Variants in ZNF287 observed in about 807,000 individuals in gnomAD.
ZNF287 encodes the protein zinc finger protein with KRAB and SCAN domains 13.
ZNF287 carries 31 observed loss-of-function variants against 73.7 expected under a neutral mutation model. The observed-to-expected ratio is 0.42, with a 90% CI of 0.32 to 0.57. The LOEUF is 0.57. ZNF287 is among the 20% of genes least tolerant of loss of function. The pLI, the probability that ZNF287 is intolerant of heterozygous loss-of-function variation, is 0.13. For missense variants in ZNF287, 641 were observed against 909.3 expected, an observed-to-expected ratio of 0.70 and a Z score of 3.79; for synonymous variants, 301 against 307.2, an observed-to-expected ratio of 0.98 and a Z score of 0.21.
chr17:16,555,062 T>C (rs977990322), intron 5 of ZNF287, among the ~76,000 whole-genome samples: 1 of 152,228 alleles, frequency 6.6e-6, no homozygotes, highest in African/African-American at 2.4e-5. Flanking sequence ...TGGCTTTATA[T>C]GAGTACAGTC....
chr17:16,553,460 T>C, intron 5 of ZNF287, 34 bp from the exon 6 acceptor site: 1 of 1,418,520 alleles, frequency 7.0e-7, no homozygotes, highest in Non-Finnish European at 9.3e-7. Context: ...AATCTTCATT[T>C]ATTTGGAGAA....
At position 16,557,806 on chromosome 17, in the gene ZNF287, A is replaced by G. The variant is rs369990027; in HGVS notation, c.716-4380T>C. On this transcript the variant is annotated intron_variant, in intron 5 of 5. Transcript: ENST00000395825. ...TCCCTTGAACAGAGGACTACACACTATGTAAGAACAGGCTAGGCTAGAAAA... is the reference window on the plus strand; with the variant it reads ...TCCCTTGAACAGAGGACTACACACTGTGTAAGAACAGGCTAGGCTAGAAAA... Among the ~76,000 whole-genome samples the G allele has an allele frequency of 1.2e-4, 18 of 152,302 alleles. 1 individual carries two copies. Among genetic ancestry groups the G allele is most frequent in the African/African-American group, 3.1e-4 (13 of 41,560 alleles).
intron 5 of ZNF287, among the ~76,000 whole-genome samples, chr17:16,562,008 T>C (rs1340219868): frequency 6.6e-6 from 1 of 152,166 alleles, no homozygotes; most frequent in East Asian, 1.9e-4. Context: ...TTGATGTCTA[T>C]AACTAACTGT....
chr17:16,552,744 G>A lies in ZNF287; in HGVS notation c.1398C>T (p.His466=), dbSNP rs945589577. 1 of 1,613,946 alleles carries A rather than the reference G, an allele frequency of 6.2e-7. No homozygotes were observed. Among genetic ancestry groups the A allele is most frequent in the East Asian group, 2.2e-5 (1 of 44,878 alleles). The change falls in exon 6 of 6, where the codon CAC becomes CAT. Residue 466 remains histidine (H), a synonymous_variant. Transcript: ENST00000395825. This position sits in a 1 kb window ranked among gnomAD's most constrained non-coding sequence, Gnocchi z 6.5. ...DCGKDFSQRA[H]LTIHQRTHTG... is the part of the protein sequence containing the mutation. ...TATGTGTCCTTTGATGGATGGTAAG[G>A]TGTGCACGCTGACTGAAGTCTTTCC...
intron 5 of ZNF287, among the ~76,000 whole-genome samples, chr17:16,559,601 A>ACACG (rs1283679657): frequency 6.6e-6 from 1 of 151,908 alleles, no homozygotes; most frequent in Non-Finnish European, 1.5e-5. Flanking sequence ...ACACACACAC[A>ACACG]CACTTCCTAG....
intron 2 of ZNF287, among the ~76,000 whole-genome samples, chr17:16,567,031 A>T (rs1395621857): frequency 6.6e-6 from 1 of 152,144 alleles, no homozygotes; most frequent in Non-Finnish European, 1.5e-5. Flanking sequence ...CTGAGGGCTC[A>T]CACAGTGGTA....
chr17:16,548,090 T>C lies in ZNF287; in HGVS notation c.*3766A>G, dbSNP rs2142440499. On this transcript the variant is annotated 3_prime_UTR_variant, in exon 6 of 6. Coordinates refer to ENST00000395825, the MANE Select transcript of ZNF287 (RefSeq NM_020653.4). ...AGTGTAGAGTGATAGAATTAGAAAA[T>C]TGTCATTTTGCAAACATTGATGAGA... Among the ~76,000 whole-genome samples, 1 of 152,212 alleles carries C rather than the reference T, an allele frequency of 6.6e-6. No individual in the cohort carries two copies. The highest frequency in any genetic ancestry group is 6.5e-5 in the Admixed American group (1 of 15,284).
In ZNF287 at chr17:16,548,583, G is replaced by A. The variant is rs1439010682; in HGVS notation, c.*3273C>T. On this transcript the variant is annotated 3_prime_UTR_variant, in exon 6 of 6. Coordinates refer to ENST00000395825, the MANE Select transcript of ZNF287 (RefSeq NM_020653.4). The stretch of plus-strand genomic sequence containing the variant: ...GAGGCTGAGGCGGGTGGATCACGAG[G>A]TCAGGATATCGAGACAAGCCTGGCT... Among the ~76,000 whole-genome samples, 1 of 152,042 alleles carries A rather than the reference G, an allele frequency of 6.6e-6. No homozygotes were observed. The highest frequency in any genetic ancestry group is 6.6e-5 in the Admixed American group (1 of 15,246).
In ZNF287 at chr17:16,554,981, G is replaced by C. The variant is rs79096423; in HGVS notation, c.716-1555C>G. 3.1e-3 allele frequency among the ~76,000 whole-genome samples: 465 copies of C among 152,112 alleles called. 13 individuals are homozygous for C. In the East Asian group the frequency reaches 0.056, roughly 18 times the overall value. ...ATGTAGGAAATTGCCTTTTTTTATAGGTCAAAATGGCTGAATGTCAGCAAC... is the reference window on the plus strand; with the variant it reads ...ATGTAGGAAATTGCCTTTTTTTATACGTCAAAATGGCTGAATGTCAGCAAC... On this transcript the variant is annotated intron_variant, in intron 5 of 5. Transcript: ENST00000395825.
intron 3 of ZNF287, 55 bp from the exon 4 acceptor site, chr17:16,563,880 C>CT (rs1416137989): frequency 1.3e-6 from 2 of 1,584,920 alleles, no homozygotes; most frequent in African/African-American, 2.7e-5. Flanking sequence ...AAAGGGGACA[C>CT]TGATAACACT....
chr17:16,564,905 G>A (rs980514705), intron 3 of ZNF287, among the ~76,000 whole-genome samples: 1 of 151,936 alleles, frequency 6.6e-6, no homozygotes, highest in African/African-American at 2.4e-5. Context: ...TTTTAGTAGA[G>A]ACAGGGTTTT....
intron 3 of ZNF287, 73 bp from the exon 4 acceptor site, chr17:16,563,898 T>C (rs1175417153): frequency 1.3e-6 from 2 of 1,536,704 alleles, no homozygotes; most frequent in Non-Finnish European, 8.8e-7. Flanking sequence ...ACTGGGTATA[T>C]GTATGGTGGG....
At chr17:16,565,131 G>A (rs1753899902) in intron 3 of ZNF287, among the ~76,000 whole-genome samples, 1 of 151,850 alleles carries the variant, frequency 6.6e-6, no homozygotes, top group South Asian at 2.1e-4. Context: ...AAGGCAGGAG[G>A]ATCACTTTGA....
At position 16,549,394 on chromosome 17, in the gene ZNF287, G is replaced by A. The variant is rs1906495249; in HGVS notation, c.*2462C>T. The stretch of plus-strand genomic sequence containing the variant: ...ATAACAGAGTAATGCAAAGGAAGGC[G>A]CTATGGACTGTCACATGCCACATGC... On this transcript the variant is annotated 3_prime_UTR_variant, in exon 6 of 6. Coordinates refer to ENST00000395825, the MANE Select transcript of ZNF287 (RefSeq NM_020653.4). 1.3e-5 allele frequency among the ~76,000 whole-genome samples: 2 copies of A among 152,282 alleles called. No individual in the cohort carries two copies. Among genetic ancestry groups the A allele is most frequent in the South Asian group, 2.1e-4 (1 of 4,824 alleles).
intron 2 of ZNF287, 75 bp from the exon 3 acceptor site, chr17:16,566,697 G>T: frequency 1.0e-6 from 1 of 972,368 alleles, no homozygotes; most frequent in Non-Finnish European, 1.5e-6. Flanking sequence ...CCAAATAGAT[G>T]CCTACACTTT....
chr17:16,556,466 T>C (rs7222107), intron 5 of ZNF287, among the ~76,000 whole-genome samples: 10,172 of 152,262 alleles, frequency 0.067, 1,179 homozygotes, highest in African/African-American at 0.23. Flanking sequence ...ATTTGCTATA[T>C]TACTTTTGTT....
At position 16,567,804 on chromosome 17, in the gene ZNF287, A is replaced by G. The variant is rs772847789; in HGVS notation, c.-73T>C. The G allele has an allele frequency of 6.6e-7, 1 of 1,524,964 alleles. No homozygotes were observed. The highest frequency in any genetic ancestry group is 8.8e-7 in the Non-Finnish European group (1 of 1,142,842). The allele number at this position is 1,524,964 out of a possible 1,614,324, so 94.5% of individuals were successfully genotyped here. On this transcript the variant is annotated 5_prime_UTR_variant, in exon 2 of 6. The change abolishes an upstream ATG in the 5' untranslated region. Coordinates refer to ENST00000395825, the MANE Select transcript of ZNF287 (RefSeq NM_020653.4). Reference sequence around the variant, plus strand: ...TAGTGAGCCAACTGCTTGAAGTCTCATGCTAGAGTCACAAGGACACTATAT... The same window carrying G: ...TAGTGAGCCAACTGCTTGAAGTCTCGTGCTAGAGTCACAAGGACACTATAT...
In ZNF287 at chr17:16,568,937, C is replaced by T. The variant is rs1212659940; in HGVS notation, c.-199+15G>A. On this transcript the variant is annotated intron_variant, in intron 1 of 5. Transcript: ENST00000395825. ...ATCGCGCGGACACTCGCGCGCTGCG[C>T]CCGGACATCAATACCTGTCGCTGGG... 1 of 152,320 alleles carries T rather than the reference C, an allele frequency of 6.6e-6. No individual in the cohort carries two copies. The highest frequency in any genetic ancestry group is 1.5e-5 in the Non-Finnish European group (1 of 68,108). 9.4% of individuals were successfully genotyped at this position (152,320 alleles called of 1,614,324 possible). A position where few individuals can be genotyped will look rare whatever the true frequency, so the allele number is the denominator to read the frequency against.
intron 5 of ZNF287, chr17:16,558,378 C>T (rs1327247178): frequency 6.6e-6 from 1 of 151,966 alleles, no homozygotes; most frequent in Non-Finnish European, 1.5e-5. Flanking sequence ...CTCACTGCAG[C>T]CTTGCTCTCC....
Sources: gnomAD v4.1 joint callset for allele counts (sites outside exome capture counted in the v4.1 genomes callset) on GRCh38, gnomAD v4.1.1 for gene constraint, Gnocchi (gnomAD v3.1) non-coding constraint, MANE v1.5 for transcripts, NCBI Gene and HGNC (gene_info 2026-07-23, HGNC 2026-07-21) for gene names.